The following NRXN3 variants were observed in gnomAD, a reference collection of about 807,000 sequenced individuals.
The protein encoded by NRXN3 is neurexin III.
Under a neutral mutation model 137.6 loss-of-function variants are expected in NRXN3, and 32 were observed. That is an observed-to-expected ratio of 0.23 (90% CI 0.18 to 0.31). The LOEUF (loss-of-function observed/expected upper bound fraction) is 0.31. Among genes scored for constraint, NRXN3 ranks in the 10% least tolerant of loss-of-function variants. NRXN3 has a pLI of 1.00. For synonymous variants in NRXN3, 798 were observed against 784.5 expected, an observed-to-expected ratio of 1.02 and a Z score of -0.29; for missense variants, 1,574 against 2,062.5, an observed-to-expected ratio of 0.76 and a Z score of 4.59.
At chr14:78,803,497 C>G in intron 8 of NRXN3, 123 bp from the exon 9 acceptor site, 1 of 855,874 alleles carries the variant, frequency 1.2e-6, no homozygotes, top group Non-Finnish European at 1.9e-6. Flanking sequence ...AAGGGTTCAT[C>G]AAACACAAGT....
chr14:78,694,721 C>T (rs1017941017), intron 6 of NRXN3, among the ~76,000 whole-genome samples: 2 of 151,888 alleles, frequency 1.3e-5, no homozygotes, highest in Non-Finnish European at 2.9e-5. Context: ...AGACTGGATG[C>T]ATCCTAGGAG....
At chr14:78,363,498 T>G (rs547399381) in intron 4 of NRXN3, among the ~76,000 whole-genome samples, 1 of 152,334 alleles carries the variant, frequency 6.6e-6, no homozygotes, top group East Asian at 1.9e-4. Flanking sequence ...GCTATTATTA[T>G]CCCCACTTTA....
chr14:79,724,384 GA>G (rs757233355), intron 19 of NRXN3, among the ~76,000 whole-genome samples: 17 of 152,084 alleles, frequency 1.1e-4, no homozygotes, highest in South Asian at 4.1e-4. Context: ...TTATGTCCAT[GA>G]ATGTAATATA....
chr14:78,498,601 A>T (rs2095828562), intron 4 of NRXN3, among the ~76,000 whole-genome samples: 1 of 152,128 alleles, frequency 6.6e-6, no homozygotes, highest in Non-Finnish European at 1.5e-5. Flanking sequence ...GCTTTGCAAG[A>T]TACAGTGGTG....
At chr14:79,298,401 C>T (rs533130996) in intron 15 of NRXN3, among the ~76,000 whole-genome samples, 1 of 152,098 alleles carries the variant, frequency 6.6e-6, no homozygotes, top group Admixed American at 6.6e-5. Context: ...CCAAGTGTGG[C>T]TCCATGGCTT....
At chr14:79,620,367 C>A (rs1319648931) in intron 16 of NRXN3, among the ~76,000 whole-genome samples, 1 of 152,008 alleles carries the variant, frequency 6.6e-6, no homozygotes, top group Non-Finnish European at 1.5e-5. Flanking sequence ...TGATGTGAAA[C>A]CATGCATATG....
At chr14:79,503,728 T>C (rs1458642872) in intron 16 of NRXN3, among the ~76,000 whole-genome samples, 1 of 152,120 alleles carries the variant, frequency 6.6e-6, no homozygotes, top group Non-Finnish European at 1.5e-5. Flanking sequence ...TTATTCCTTT[T>C]TGGATTCCCA....
intron 15 of NRXN3, among the ~76,000 whole-genome samples, chr14:79,285,702 C>G (rs2082119945): frequency 6.6e-6 from 1 of 152,120 alleles, no homozygotes; most frequent in Non-Finnish European, 1.5e-5. Context: ...GATTAGGGTC[C>G]TCCCTAAAAG....
At chr14:79,140,262 TG>T (rs2058667539) in intron 15 of NRXN3, among the ~76,000 whole-genome samples, 2 of 152,186 alleles carry the variant, frequency 1.3e-5, no homozygotes, top group African/African-American at 4.8e-5. Context: ...GGTGCTTACA[TG>T]AACTGGAGAA....
At chr14:78,203,664 C>T (rs900515443) in intron 1 of NRXN3, among the ~76,000 whole-genome samples, 7 of 152,164 alleles carry the variant, frequency 4.6e-5, no homozygotes, top group African/African-American at 1.7e-4. Flanking sequence ...ACTATTAATA[C>T]ATAGTACTTT....
intron 15 of NRXN3, among the ~76,000 whole-genome samples, chr14:79,234,967 C>G (rs950922533): frequency 6.6e-6 from 1 of 152,032 alleles, no homozygotes; most frequent in Admixed American, 6.6e-5. Context: ...ATGTGAGTCT[C>G]CTTTTCAAGT....
At chr14:78,530,009 A>G (rs2096437518) in intron 4 of NRXN3, among the ~76,000 whole-genome samples, 1 of 152,232 alleles carries the variant, frequency 6.6e-6, no homozygotes, top group Admixed American at 6.5e-5. Context: ...ATACAGTGCA[A>G]TTTAATTAAT....
In NRXN3 at chr14:78,178,585, GC is replaced by G. The variant is rs543459107; in HGVS notation, c.-704+7913del. ...TGTCGCCCTAAACCTGCATGGGACA[GC>G]CACACTCCCCATGGCCCTTGCAGCA... is the stretch of plus-strand genomic sequence containing the variant. On this transcript the variant is annotated intron_variant, in intron 1 of 20. Transcript: ENST00000335750. Among the ~76,000 whole-genome samples, 4 of 152,292 alleles carry G rather than the reference GC, an allele frequency of 2.6e-5. No homozygotes were observed. The South Asian group carries it at 8.3e-4, about 32-fold the overall frequency.
At chr14:79,768,777 GA>G (rs1240229626) in intron 19 of NRXN3, among the ~76,000 whole-genome samples, 1 of 152,222 alleles carries the variant, frequency 6.6e-6, no homozygotes, top group African/African-American at 2.4e-5. Flanking sequence ...GACAGAGAAT[GA>G]CTTTGACGAG....
intron 15 of NRXN3, among the ~76,000 whole-genome samples, chr14:79,108,847 T>A (rs1003475489): frequency 6.6e-6 from 1 of 152,148 alleles, no homozygotes. Context: ...AATTAAATTT[T>A]TTACGCTGCT....
rs1198223640 is a variant in NRXN3 at position 79,761,128 on chromosome 14, A to T, written c.4015-43984A>T. 1.3e-5 allele frequency among the ~76,000 whole-genome samples: 2 copies of T among 151,654 alleles called. 1 individual carries two copies. The highest frequency in any genetic ancestry group is 4.9e-5 in the African/African-American group (2 of 40,924). ...ACAGTGACAGATAATGCAAAAAAAG[A>T]TTTAATATATTTTTATATATTTAAT... On this transcript the variant is annotated intron_variant, in intron 19 of 20. Transcript: ENST00000335750.
At chr14:79,811,692 C>T (rs2099234236) in intron 20 of NRXN3, among the ~76,000 whole-genome samples, 1 of 150,638 alleles carries the variant, frequency 6.6e-6, no homozygotes, top group African/African-American at 2.5e-5. Flanking sequence ...CGCCATTGTC[C>T]TGCCTCAGTC....
chr14:79,114,989 G>A (rs868011543), intron 15 of NRXN3, among the ~76,000 whole-genome samples: 81 of 152,112 alleles, frequency 5.3e-4, no homozygotes, highest in Middle Eastern at 3.4e-3. Context: ...GCAACTGCCT[G>A]ATAAATATAA....
chr14:78,250,763 C>G (rs1285286725), intron 2 of NRXN3, among the ~76,000 whole-genome samples: 1 of 152,184 alleles, frequency 6.6e-6, no homozygotes, highest in Non-Finnish European at 1.5e-5. Context: ...GACCTGAGAG[C>G]CCAGGCCCTC....
Sources: allele counts gnomAD v4.1 joint callset (sites outside exome capture counted in the v4.1 genomes callset), GRCh38; gene constraint gnomAD v4.1.1; transcripts MANE v1.5; gene names NCBI Gene and HGNC (gene_info 2026-07-23, HGNC 2026-07-21).